The following EIF4G1 variants were observed in gnomAD, a reference collection of about 807,000 sequenced individuals.
EIF4G1 encodes eukaryotic translation initiation factor 4 gamma 1.
EIF4G1 carries 4 observed loss-of-function variants against 187.8 expected under a neutral mutation model. That is an observed-to-expected ratio of 0.02 (90% CI 0.01 to 0.05). The LOEUF (loss-of-function observed/expected upper bound fraction) is 0.05. EIF4G1 is among the 10% of genes least tolerant of loss of function. The probability of loss-of-function intolerance (pLI) is 1.00; values close to 1 mark genes in which losing one functional copy is unlikely to be tolerated. For missense variants in EIF4G1, 1,647 were observed against 2,081.1 expected (o/e 0.79, Z 4.06); for synonymous variants, 844 against 781.4 (o/e 1.08, Z -1.34).
chr3:184,316,734 G>C, intron 4 of EIF4G1: 3 of 1,596,414 alleles, frequency 1.9e-6, no homozygotes, highest in Non-Finnish European at 2.5e-6. Context: ...GTCTCTGCAG[G>C]TAATATCCCT....
At chr3:184,328,528 G>A (rs1485800377) in intron 26 of EIF4G1, 103 bp from the exon 27 acceptor site, 1 of 1,524,134 alleles carries the variant, frequency 6.6e-7, no homozygotes, top group East Asian at 2.3e-5. Context: ...TCTAGAAAAT[G>A]TTCCTGGGGG....
At chr3:184,318,045 T>A (rs1044289478) in intron 6 of EIF4G1, among the ~76,000 whole-genome samples, 4 of 152,210 alleles carry the variant, frequency 2.6e-5, no homozygotes, top group African/African-American at 9.6e-5. Context: ...TCAGGGAATG[T>A]AGGATCAGGC....
chr3:184,317,873 T>C, intron 6 of EIF4G1, 57 bp downstream of exon 6: 1 of 1,293,150 alleles, frequency 7.7e-7, no homozygotes, highest in African/African-American at 1.5e-5. Context: ...TCTAAACTCA[T>C]CTGCTGATTT....
In EIF4G1 at chr3:184,322,394, A is replaced by G; in HGVS notation, c.1552A>G (p.Ile518Val). ...ATCTGTGCCAAAGAGGAGACGGAAA[A>G]TTAAGGAGCTAAATAAGAAGGAGGC... ...AVSVPKRRRK[I>V]KELNKKEAVG... The change falls in exon 11 of 33, where the codon ATT (isoleucine) becomes GTT (valine). Residue 518 changes from isoleucine (I) to valine (V), a missense_variant. This residue lies in a region of EIF4G1 where 522 missense variants were observed against 485.2 expected (regional missense o/e 1.08). Coordinates refer to ENST00000346169, the MANE Select transcript of EIF4G1 (RefSeq NM_198241.3). 3.1e-6 allele frequency: 5 copies of G among 1,614,196 alleles called. No homozygotes were observed. The highest frequency in any genetic ancestry group is 4.2e-6 in the Non-Finnish European group (5 of 1,180,040).
At chr3:184,315,347 G>C (rs533086445) in intron 1 of EIF4G1, 142 bp from the exon 2 acceptor site, 2 of 519,332 alleles carry the variant, frequency 3.9e-6, no homozygotes, top group Admixed American at 3.9e-5. Flanking sequence ...GTGTCCCCGG[G>C]TGGGGGGTGG....
intron 26 of EIF4G1, 188 bp from the exon 27 acceptor site, chr3:184,328,443 C>T (rs766001295): frequency 1.3e-5 from 11 of 830,286 alleles, no homozygotes; most frequent in Non-Finnish European, 2.0e-5. Flanking sequence ...GTCAGCATAA[C>T]TTTAGGGGGT....
Position 184,327,284 on chromosome 3 carries a change from G to C in EIF4G1, c.3497G>C (p.Arg1166Pro). Residue 1166 changes from arginine (R) to proline (P), a missense_variant, in exon 24 of 33, where the codon CGG becomes CCG. Arg to Pro is a moderately radical substitution (Grantham distance 103, BLOSUM62 -2). Around this residue, in one of 11 missense-constraint regions of EIF4G1, gnomAD observed 543 missense variants for 638.0 expected, o/e 0.85. Coordinates refer to ENST00000346169, the MANE Select transcript of EIF4G1 (RefSeq NM_198241.3). ...GGAGACCGCCTAGAGCGGAGTGAAC[G>C]GGGAGGGGACCGTGGGGACCGGCTT... The part of the protein sequence containing the change: ...DRGDRLERSE[R>P]GGDRGDRLDR... The C allele has an allele frequency of 1.2e-6, 2 of 1,613,888 alleles. No individual in the cohort carries two copies. The highest frequency in any genetic ancestry group is 8.5e-7 in the Non-Finnish European group (1 of 1,180,048).
intron 32 of EIF4G1, among the ~76,000 whole-genome samples, chr3:184,332,636 C>T (rs1042900202): frequency 6.6e-6 from 1 of 152,016 alleles, no homozygotes; most frequent in East Asian, 1.9e-4. Context: ...GACGGGTGCT[C>T]TCGGAGGGAG....
rs1724676349 is a variant in EIF4G1 at position 184,325,319 on chromosome 3, G to A, written c.2907G>A (p.Lys969=). The change falls in exon 19 of 33, where the codon AAG becomes AAA. Residue 969 remains lysine, a synonymous_variant. Transcript: ENST00000346169. This position sits in a 1 kb window ranked among gnomAD's most constrained non-coding sequence, Gnocchi z 5.2. The part of the protein sequence containing the change: ...FNQMEKIIKE[K]KTSSRIRFML... ...AGATGGAAAAAATCATTAAAGAAAA[G>A]AAGACGTCATCCCGCATCCGCTTTA... The A allele has an allele frequency of 2.5e-6, 4 of 1,614,204 alleles. No homozygotes were observed. The highest frequency in any genetic ancestry group is 1.6e-4 in the Middle Eastern group (1 of 6,062).
intron 7 of EIF4G1, 154 bp from the exon 8 acceptor site, chr3:184,320,476 G>C (rs575830685): frequency 2.0e-6 from 3 of 1,533,796 alleles, no homozygotes; most frequent in East Asian, 2.4e-5. Flanking sequence ...AGAGCAGCCA[G>C]ATGGGCTGAA....
chr3:184,316,754 C>T (rs767124778), intron 4 of EIF4G1: 15 of 1,595,532 alleles, frequency 9.4e-6, no homozygotes, highest in Non-Finnish European at 1.2e-5. Flanking sequence ...TTTCCCAACC[C>T]TGGACAGTCT....
At position 184,334,969 on chromosome 3, in the gene EIF4G1, T is replaced by C. The variant is rs1726855609; in HGVS notation, c.*61T>C. 1 of 1,604,896 alleles carries C rather than the reference T, an allele frequency of 6.2e-7. No homozygotes were observed. The highest frequency in any genetic ancestry group is 2.2e-5 in the East Asian group (1 of 44,756). On this transcript the variant is annotated 3_prime_UTR_variant, in exon 33 of 33. Transcript: ENST00000346169. The surrounding 1 kb of genome is among the most constrained non-coding windows in gnomAD (Gnocchi z 5.8). Reference sequence around the variant, plus strand: ...CACACAGATGGCCCGGCTAGCCGCCTGGACTGCAGGGGGGCGGCAGCAGCG... The same window carrying C: ...CACACAGATGGCCCGGCTAGCCGCCCGGACTGCAGGGGGGCGGCAGCAGCG...
Position 184,335,133 on chromosome 3 carries a change from TATTATATATAAAGTCTTGA to T in EIF4G1, c.*227_*245del. ...CTCCTCCCCCTGGGGCACAGAGATA[TATTATATATAAAGTCTTGA>T]AATTTGGTGTGTCTTGGGGTGGGGA... On this transcript the variant is annotated 3_prime_UTR_variant, in exon 33 of 33. Coordinates refer to ENST00000346169, the MANE Select transcript of EIF4G1 (RefSeq NM_198241.3). 1 of 575,622 alleles carries T rather than the reference TATTATATATAAAGTCTTGA, an allele frequency of 1.7e-6. No individual in the cohort carries two copies. Among genetic ancestry groups the T allele is most frequent in the Non-Finnish European group, 3.1e-6 (1 of 325,012 alleles). The allele number at this position is 575,622 out of a possible 1,614,324, so 35.7% of individuals were successfully genotyped here. A position where few individuals can be genotyped will look rare whatever the true frequency, so the allele number is the denominator to read the frequency against.
chr3:184,325,234 A>G lies in EIF4G1; in HGVS notation c.2857-35A>G. The G allele has an allele frequency of 6.2e-7, 1 of 1,612,506 alleles. No individual in the cohort carries two copies. The highest frequency in any genetic ancestry group is 1.1e-5 in the South Asian group (1 of 91,058). On this transcript the variant is annotated intron_variant, in intron 18 of 32. Coordinates refer to ENST00000346169, the MANE Select transcript of EIF4G1 (RefSeq NM_198241.3). This position sits in a 1 kb window ranked among gnomAD's most constrained non-coding sequence, Gnocchi z 5.2. ...GGCCTGCAGTTATAGGTGGGACATG[A>G]GAAGTTCCTGGTCTGATGCCTTTCT...
rs766059655 is a variant in EIF4G1, at chr3:184,323,210, G to A, written c.2057G>A (p.Gly686Asp). The A allele has an allele frequency of 6.2e-7, 1 of 1,614,216 alleles. No homozygotes were observed. The highest frequency in any genetic ancestry group is 1.7e-5 in the Admixed American group (1 of 60,020). Reference protein sequence around the residue: ...TTLSTRGPPRGGPGGELPRGP... With the variant: ...TTLSTRGPPRDGPGGELPRGP... ...CTTAGCACCCGTGGGCCCCCAAGGG[G>A]TGGGCCAGGTGGGGAGCTGCCCCGT... Residue 686 changes from glycine (G) to aspartate (D), a missense_variant, in exon 14 of 33, where the codon GGT (glycine) becomes GAT (aspartate). By Grantham distance (94) the Gly-to-Asp change is moderately conservative (BLOSUM62 -1). Coordinates refer to ENST00000346169, the MANE Select transcript of EIF4G1 (RefSeq NM_198241.3). This position sits in a 1 kb window ranked among gnomAD's most constrained non-coding sequence, Gnocchi z 6.9.
At position 184,328,314 on chromosome 3, in the gene EIF4G1, C is replaced by G. The variant is rs55772945; in HGVS notation, c.3953+312C>G. On this transcript the variant is annotated intron_variant, in intron 26 of 32. Coordinates refer to ENST00000346169, the MANE Select transcript of EIF4G1 (RefSeq NM_198241.3). ...GCTGAGGCAGGAGAACTGCTTGAAC[C>G]CGGGAGGTGGAGGTTGCAGTGAGCC... is the stretch of plus-strand genomic sequence containing the variant. The G allele has an allele frequency of 0.2, 97,471 of 479,018 alleles. 11,650 individuals are homozygous for G. Among genetic ancestry groups the G allele is most frequent in the Middle Eastern group, 0.29 (474 of 1,650 alleles). 29.7% of individuals were successfully genotyped at this position (479,018 alleles called of 1,614,324 possible). A position where few individuals can be genotyped will look rare whatever the true frequency, so the allele number is the denominator to read the frequency against.
At chr3:184,316,756 G>C in intron 4 of EIF4G1, 1 of 1,595,358 alleles carries the variant, frequency 6.3e-7, no homozygotes, top group East Asian at 2.2e-5. Context: ...TCCCAACCCT[G>C]GACAGTCTTC....
In EIF4G1 at chr3:184,321,777, C is replaced by T. The variant is rs932025472; in HGVS notation, c.1193C>T (p.Ala398Val). The T allele has an allele frequency of 6.2e-7, 1 of 1,610,390 alleles. No individual in the cohort carries two copies. The highest frequency in any genetic ancestry group is 8.5e-7 in the Non-Finnish European group (1 of 1,177,050). Residue 398 changes from alanine to valine, a missense_variant, in exon 10 of 33, where the codon GCC becomes GTC. Physicochemically the swap from Ala to Val is moderately conservative, Grantham distance 64 (BLOSUM62 0). This residue lies in a region of EIF4G1 where 522 missense variants were observed against 485.2 expected (regional missense o/e 1.08). Transcript: ENST00000346169. Reference protein sequence around the residue: ...SESPVPIAPTAQPEELLNGAP... With the variant: ...SESPVPIAPTVQPEELLNGAP... ...TCCCCTGTGCCCATTGCTCCAACTG[C>T]CCAACCTGAGGAACTGCTCAACGGA...
In EIF4G1 at chr3:184,326,977, T is replaced by A; in HGVS notation, c.3422T>A (p.Val1141Glu). ...GAAAGCACAGATAATAGACGTGTGG[T>A]GCAGAGGTGAGGTTTCCTGGACATC... ...PTESTDNRRV[V>E]QRSSLSRERG... The change falls in exon 23 of 33, where the codon GTG becomes GAG. Residue 1141 changes from valine to glutamate, a missense_variant. By Grantham distance (121) the Val-to-Glu change is moderately radical. Coordinates refer to ENST00000346169, the MANE Select transcript of EIF4G1 (RefSeq NM_198241.3). 1.2e-6 allele frequency: 2 copies of A among 1,614,216 alleles called. No homozygotes were observed. Among genetic ancestry groups the A allele is most frequent in the Non-Finnish European group, 1.7e-6 (2 of 1,180,042 alleles).
Sources: gnomAD v4.1 joint callset for allele counts (sites outside exome capture counted in the v4.1 genomes callset) on GRCh38, gnomAD v4.1.1 for gene constraint, gnomAD v4.1.1 regional missense constraint, Gnocchi (gnomAD v3.1) non-coding constraint, MANE v1.5 for transcripts, NCBI Gene and HGNC (gene_info 2026-07-23, HGNC 2026-07-21) for gene names.